KSR1: variants seen among roughly 807,000 people sequenced by gnomAD.
The protein encoded by KSR1 is kinase suppressor of ras 1.
KSR1 carries 35 observed loss-of-function variants against 92.9 expected under a neutral mutation model. The observed-to-expected ratio is 0.38, with a 90% CI of 0.29 to 0.50. KSR1 has a LOEUF of 0.50. Among genes scored for constraint, KSR1 ranks in the 20% least tolerant of loss-of-function variants. The probability of loss-of-function intolerance (pLI) is 0.94; values close to 1 mark genes in which losing one functional copy is unlikely to be tolerated. For synonymous variants in KSR1, 467 were observed against 472.6 expected, an observed-to-expected ratio of 0.99 and a Z score of 0.15; for missense variants, 972 against 1,158.5, an observed-to-expected ratio of 0.84 and a Z score of 2.34.
chr17:27,617,181 C>T (rs1270373662), intron 18 of KSR1, 114 bp from the exon 19 acceptor site: 14 of 1,186,484 alleles, frequency 1.2e-5, no homozygotes, highest in South Asian at 1.1e-4. Flanking sequence ...TTCAGGGGGC[C>T]GCCAGTTAGA....
chr17:27,575,332 T>A (rs188251538), intron 2 of KSR1, among the ~76,000 whole-genome samples: 1 of 152,324 alleles, frequency 6.6e-6, no homozygotes, highest in Admixed American at 6.5e-5. Context: ...CTCCCCCTCT[T>A]TAGACCATAT....
At chr17:27,504,269 G>T (rs542259758) in intron 1 of KSR1, among the ~76,000 whole-genome samples, 1 of 152,226 alleles carries the variant, frequency 6.6e-6, no homozygotes, top group Non-Finnish European at 1.5e-5. Flanking sequence ...AGGCTGGTCC[G>T]CAGTCAGCCG....
chr17:27,622,941 G>C (rs1310015466), intron 20 of KSR1: 5 of 271,626 alleles, frequency 1.8e-5, no homozygotes, highest in Non-Finnish European at 3.5e-5. Context: ...AAAGGAACAT[G>C]CCCTGTCACT....
At position 27,577,496 on chromosome 17, in the gene KSR1, TC is replaced by T. The variant is rs2151155095; in HGVS notation, c.382del (p.Arg128GlufsTer11). 1.3e-6 allele frequency: 2 copies of T among 1,537,784 alleles called. No homozygotes were observed. ...CCTGTCCCTCTGTCCCCTTAGGAGA[TC>T]CCCCGAGACCTCACGCTGGATGCCC... ...FNVRPEVVQE[I>X]PRDLTLDALL... On this transcript the variant is annotated frameshift_variant, in exon 3 of 21. Coordinates refer to ENST00000644974, the MANE Select transcript of KSR1 (RefSeq NM_001394583.1). LOFTEE classifies it high-confidence loss of function. This position sits in a 1 kb window ranked among gnomAD's most constrained non-coding sequence, Gnocchi z 4.5.
intron 18 of KSR1, among the ~76,000 whole-genome samples, chr17:27,614,455 C>T (rs952921833): frequency 6.6e-6 from 1 of 152,296 alleles, no homozygotes. Context: ...CATCTTGGAG[C>T]AGAGAATGGT....
Position 27,588,477 on chromosome 17 carries a change from C to T in KSR1, c.988C>T (p.Leu330Phe), listed in dbSNP as rs376519737. ...IDDVSSMRFD[L>F]SHGSPQMVRR... ...CCATCCGGCCTCTTTCCCTGCAGAT[C>T]TCTCGCATGGATCCCCACAGATGGT... Residue 330 changes from leucine (L) to phenylalanine (F), a missense_variant and splice_region_variant, in exon 6 of 21, where the codon CTC (leucine) becomes TTC (phenylalanine). Leu to Phe is a conservative substitution (Grantham distance 22). Transcript: ENST00000644974. The T allele has an allele frequency of 7.0e-6, 11 of 1,581,624 alleles. No individual in the cohort carries two copies. The highest frequency in any genetic ancestry group is 1.8e-5 in the Admixed American group (1 of 55,498).
At chr17:27,492,113 G>T (rs184785115) in intron 1 of KSR1, among the ~76,000 whole-genome samples, 1 of 152,202 alleles carries the variant, frequency 6.6e-6, no homozygotes, top group Non-Finnish European at 1.5e-5. Context: ...TTAGTTGCAC[G>T]TTGGGAGGTG....
At chr17:27,532,504 T>C (rs2070580156) in intron 1 of KSR1, among the ~76,000 whole-genome samples, 1 of 152,224 alleles carries the variant, frequency 6.6e-6, no homozygotes, top group Admixed American at 6.5e-5. Context: ...AATCGGGTCT[T>C]ATGCAACAGT....
At chr17:27,590,456 A>G (rs936939828) in intron 6 of KSR1, among the ~76,000 whole-genome samples, 5 of 152,234 alleles carry the variant, frequency 3.3e-5, no homozygotes, top group Non-Finnish European at 7.3e-5. Flanking sequence ...CCTTGTCCAT[A>G]TATCTTGCAA....
chr17:27,617,265 A>G, intron 18 of KSR1, 30 bp from the exon 19 acceptor site: 2 of 1,587,370 alleles, frequency 1.3e-6, no homozygotes, highest in Non-Finnish European at 8.6e-7. Flanking sequence ...CAGCCAGCTC[A>G]CACACCACTA....
At chr17:27,579,448 T>G (rs1021280795) in intron 3 of KSR1, 1 of 152,232 alleles carries the variant, frequency 6.6e-6, no homozygotes, top group Non-Finnish European at 1.5e-5. Flanking sequence ...TCAGGGTTGT[T>G]GTGAAAAGGA....
At position 27,592,231 on chromosome 17, in the gene KSR1, T is replaced by C. The variant is rs142148383; in HGVS notation, c.1131-130T>C. On this transcript the variant is annotated intron_variant, in intron 7 of 20. Coordinates refer to ENST00000644974, the MANE Select transcript of KSR1 (RefSeq NM_001394583.1). ...ATTAATATCATGATGTTCTCTACTT[T>C]CGAGCTAACATTTGTTGAGAAGTGT... is the stretch of plus-strand genomic sequence containing the variant. The C allele has an allele frequency of 2.1e-5, 15 of 721,948 alleles. No homozygotes were observed. In the African/African-American group the frequency reaches 2.3e-4, roughly 11 times the overall value. 44.7% of individuals were successfully genotyped at this position (721,948 alleles called of 1,614,324 possible). A position where few individuals can be genotyped will look rare whatever the true frequency, so the allele number is the denominator to read the frequency against.
At chr17:27,564,105 C>T (rs571015694) in intron 2 of KSR1, among the ~76,000 whole-genome samples, 12 of 147,888 alleles carry the variant, frequency 8.1e-5, no homozygotes, top group South Asian at 4.4e-4. Flanking sequence ...TCTCCTGTCT[C>T]AGCCTCCCAA....
intron 2 of KSR1, among the ~76,000 whole-genome samples, chr17:27,556,145 G>T (rs2071586074): frequency 6.6e-6 from 1 of 152,218 alleles, no homozygotes; most frequent in Non-Finnish European, 1.5e-5. Flanking sequence ...TGCTAGGCTG[G>T]ATTTTAGTGA....
chr17:27,489,052 A>G (rs1366172620), intron 1 of KSR1, among the ~76,000 whole-genome samples: 1 of 152,218 alleles, frequency 6.6e-6, no homozygotes, highest in Non-Finnish European at 1.5e-5. Context: ...CATTTGCAGC[A>G]CGAAAGCCCT....
At chr17:27,563,592 G>A (rs1221779069) in intron 2 of KSR1, among the ~76,000 whole-genome samples, 1 of 152,136 alleles carries the variant, frequency 6.6e-6, no homozygotes, top group Non-Finnish European at 1.5e-5. Flanking sequence ...TCAGTGTCTT[G>A]TTACGCTTAG....
rs73274018 is a variant in KSR1, at chr17:27,571,158, C to G, written c.373-6334C>G. ...TCTCCTGGGAGGGGGTTTTGTTTGC[C>G]TTGCTTCCCAGGGGTGGGGTAGTGA... is the stretch of plus-strand genomic sequence containing the variant. On this transcript the variant is annotated intron_variant, in intron 2 of 20. Coordinates refer to ENST00000644974, the MANE Select transcript of KSR1 (RefSeq NM_001394583.1). 1.5e-3 allele frequency among the ~76,000 whole-genome samples: 233 copies of G among 152,270 alleles called. 3 individuals carry two copies. Among genetic ancestry groups the G allele is most frequent in the African/African-American group, 5.1e-3 (214 of 41,572 alleles).
At chr17:27,555,483 A>G (rs995563079) in intron 2 of KSR1, among the ~76,000 whole-genome samples, 12 of 151,184 alleles carry the variant, frequency 7.9e-5, no homozygotes, top group African/African-American at 1.5e-4. Flanking sequence ...GCACTCTGTG[A>G]CATTGCCCAT....
intron 1 of KSR1, among the ~76,000 whole-genome samples, chr17:27,490,451 G>C (rs2068787712): frequency 6.6e-6 from 1 of 152,114 alleles, no homozygotes; most frequent in Admixed American, 6.6e-5. Context: ...AAAAACCTTC[G>C]CCAGAGCAAT....
Sources: allele counts gnomAD v4.1 joint callset (sites outside exome capture counted in the v4.1 genomes callset), GRCh38; gene constraint gnomAD v4.1.1; non-coding constraint Gnocchi (gnomAD v3.1); transcripts MANE v1.5; gene names NCBI Gene and HGNC (gene_info 2026-07-23, HGNC 2026-07-21).